HOOK3: variants seen among roughly 807,000 people sequenced by gnomAD.
HOOK3 encodes the protein hook microtubule tethering protein 3.
A neutral mutation model predicts 116.3 loss-of-function variants in HOOK3; 24 were observed. That is an observed-to-expected ratio of 0.21 (90% CI 0.15 to 0.29). HOOK3 has a LOEUF of 0.29. Among genes scored for constraint, HOOK3 ranks in the 10% least tolerant of loss-of-function variants. The pLI, the probability that HOOK3 is intolerant of heterozygous loss-of-function variation, is 1.00. For missense variants in HOOK3, 632 were observed against 830.2 expected, an observed-to-expected ratio of 0.76 and a Z score of 2.93; for synonymous variants, 275 against 283.0, an observed-to-expected ratio of 0.97 and a Z score of 0.28.
intron 1 of HOOK3, 143 bp downstream of exon 1, chr8:42,897,331 G>A: frequency 2.1e-6 from 1 of 473,370 alleles, no homozygotes; most frequent in Non-Finnish European, 3.4e-6. Context: ...GAGGAGGCTC[G>A]GCCCAGGGTC....
chr8:42,968,374 G>A (rs1326301602), intron 11 of HOOK3, among the ~76,000 whole-genome samples, 160 bp downstream of exon 11: 1 of 152,136 alleles, frequency 6.6e-6, no homozygotes, highest in Non-Finnish European at 1.5e-5. Context: ...CTGTCACCCA[G>A]CCTGGAGTGC....
chr8:42,970,114 G>C (rs1371279993), intron 11 of HOOK3, among the ~76,000 whole-genome samples: 1 of 152,176 alleles, frequency 6.6e-6, no homozygotes, highest in Non-Finnish European at 1.5e-5. Flanking sequence ...TGTAGGGTGT[G>C]AAGTAGGGAT....
intron 16 of HOOK3, among the ~76,000 whole-genome samples, chr8:42,998,679 G>A (rs1809327286): frequency 6.6e-6 from 1 of 151,572 alleles, no homozygotes; most frequent in African/African-American, 2.4e-5. Flanking sequence ...CATGTATATT[G>A]GCAACATGTC....
chr8:42,920,574 A>G (rs1417617817), intron 2 of HOOK3, among the ~76,000 whole-genome samples: 2 of 152,216 alleles, frequency 1.3e-5, no homozygotes, highest in African/African-American at 2.4e-5. Context: ...CCTGCCCTTC[A>G]TGAACAAGAA....
chr8:42,993,470 C>A (rs1473648750), intron 15 of HOOK3, among the ~76,000 whole-genome samples: 1 of 151,872 alleles, frequency 6.6e-6, no homozygotes, highest in Non-Finnish European at 1.5e-5. Flanking sequence ...TGTTTTTTTT[C>A]TTTTGATGTG....
intron 2 of HOOK3, among the ~76,000 whole-genome samples, chr8:42,907,835 A>AC (rs1389337141): frequency 1.1e-4 from 17 of 150,576 alleles, no homozygotes; most frequent in South Asian, 2.1e-4. Flanking sequence ...AAAAAAAAAA[A>AC]AAAACAGTAA....
intron 15 of HOOK3, among the ~76,000 whole-genome samples, chr8:42,994,247 C>T (rs1427174042): frequency 6.6e-6 from 1 of 152,084 alleles, no homozygotes; most frequent in African/African-American, 2.4e-5. Flanking sequence ...AACTCCTAAC[C>T]TCAAGTGATC....
In HOOK3 at chr8:42,906,145, T is replaced by TTC. The variant is rs371943831; in HGVS notation, c.58-28_58-27insTC. 3.9e-3 allele frequency: 2,117 copies of TTC among 536,838 alleles called. 38 individuals are homozygous for TTC. The African/African-American group carries it at 0.051, about 13-fold the overall frequency. 33.3% of individuals were successfully genotyped at this position (536,838 alleles called of 1,614,324 possible). ...TCTACAGAGGTAACCACAGAATCTC[T>TTC]CCCCCCCCCCTCTTTTTTTCCCTTC... On this transcript the variant is annotated intron_variant, in intron 1 of 21. Coordinates refer to ENST00000307602, the MANE Select transcript of HOOK3 (RefSeq NM_032410.4).
rs1563313412 is a variant in HOOK3, at chr8:43,008,657, ATTTTTATTTT to A, written c.1738+734_1738+743del. 8.1e-4 allele frequency among the ~76,000 whole-genome samples: 117 copies of A among 143,894 alleles called. 1 individual carries two copies. Among genetic ancestry groups the A allele is most frequent in the Middle Eastern group, 3.6e-3 (1 of 276 alleles). The allele number at this position is 143,894 out of a possible 152,430, so 94.4% of individuals were successfully genotyped here. A position where few individuals can be genotyped will look rare whatever the true frequency, so the allele number is the denominator to read the frequency against. ...TATTTTTATTTTTATTTTTATTTTTATTTTTATTTTTTTTTTTTTTGAGACGGAGTCTCGC... is the reference window on the plus strand; with the variant it reads ...TATTTTTATTTTTATTTTTATTTTTATTTTTTTTTTGAGACGGAGTCTCGC... On this transcript the variant is annotated intron_variant, in intron 18 of 21. Coordinates refer to ENST00000307602, the MANE Select transcript of HOOK3 (RefSeq NM_032410.4).
intron 16 of HOOK3, among the ~76,000 whole-genome samples, chr8:42,999,200 A>C (rs1165109606): frequency 6.6e-6 from 1 of 152,258 alleles, no homozygotes; most frequent in Non-Finnish European, 1.5e-5. Context: ...AATTTGGCAT[A>C]GCTTGATTAG....
At chr8:43,000,943 C>CTA (rs1476493024) in intron 16 of HOOK3, 1 of 152,006 alleles carries the variant, frequency 6.6e-6, no homozygotes, top group Non-Finnish European at 1.5e-5. Context: ...TACCCCTGTG[C>CTA]TAAAGAAGGA....
chr8:42,968,269 A>G lies in HOOK3; in HGVS notation c.1122+55A>G, dbSNP rs958247491. ...TTTCAGGCAAGCTCTCAGTTATGAC[A>G]TGTAGCTTACCAAAATTACTAATTT... On this transcript the variant is annotated intron_variant, in intron 11 of 21. Transcript: ENST00000307602. The G allele has an allele frequency of 9.7e-6, 12 of 1,236,492 alleles. No individual in the cohort carries two copies. In the African/African-American group the frequency reaches 1.8e-4, roughly 19 times the overall value. 76.6% of individuals were successfully genotyped at this position (1,236,492 alleles called of 1,614,324 possible). A position where few individuals can be genotyped will look rare whatever the true frequency, so the allele number is the denominator to read the frequency against.
chr8:42,909,456 G>T (rs1008726723), intron 2 of HOOK3, among the ~76,000 whole-genome samples: 1 of 152,170 alleles, frequency 6.6e-6, no homozygotes, highest in Non-Finnish European at 1.5e-5. Context: ...ATGAAATACT[G>T]TTCAGCCTTT....
chr8:42,940,028 A>T (rs1489421578), intron 4 of HOOK3, among the ~76,000 whole-genome samples: 2 of 146,856 alleles, frequency 1.4e-5, no homozygotes, highest in Admixed American at 1.3e-4. Flanking sequence ...GGCTCCTCAC[A>T]TCCCAGACGG....
At chr8:42,917,546 A>G (rs1807555992) in intron 2 of HOOK3, among the ~76,000 whole-genome samples, 1 of 152,020 alleles carries the variant, frequency 6.6e-6, no homozygotes, top group Non-Finnish European at 1.5e-5. Flanking sequence ...TACAAAAGAC[A>G]CTCCACTCAG....
intron 9 of HOOK3, among the ~76,000 whole-genome samples, chr8:42,965,020 G>GA (rs1270432049): frequency 6.6e-6 from 1 of 152,236 alleles, no homozygotes; most frequent in African/African-American, 2.4e-5. Flanking sequence ...ACCTGAGTGA[G>GA]AGGGAGTACC....
chr8:42,956,223 C>CGTGTGTGTGTGTGTGTGT (rs61448463), intron 6 of HOOK3, among the ~76,000 whole-genome samples: 1,403 of 135,850 alleles, frequency 0.01, 11 homozygotes, highest in Middle Eastern at 0.014. Flanking sequence ...AGGATTAGGG[C>CGTGTGTGTGTGTGTGTGT]GTGTGTGTGT....
chr8:42,950,273 T>A (rs1808315341), intron 5 of HOOK3, 115 bp from the exon 6 acceptor site: 1 of 693,032 alleles, frequency 1.4e-6, no homozygotes, highest in Non-Finnish European at 2.6e-6. Context: ...GTGGGATTCC[T>A]AGGAGGAATC....
At chr8:43,011,211 G>T (rs992085619) in intron 19 of HOOK3, among the ~76,000 whole-genome samples, 4 of 151,882 alleles carry the variant, frequency 2.6e-5, no homozygotes, top group Admixed American at 6.6e-5. Flanking sequence ...GCCAGGATGG[G>T]CTTGATCTCC....
Sources: allele counts gnomAD v4.1 joint callset (sites outside exome capture counted in the v4.1 genomes callset), GRCh38; gene constraint gnomAD v4.1.1; transcripts MANE v1.5; gene names NCBI Gene and HGNC (gene_info 2026-07-23, HGNC 2026-07-21).